FMN1: variants seen among roughly 807,000 people sequenced by gnomAD.
FMN1 encodes the protein formin-1.
In FMN1, 110 loss-of-function variants were observed where a neutral mutation model predicts 132.4. That is an observed-to-expected ratio of 0.83 (90% CI 0.71 to 0.97). The LOEUF is 0.97. Among genes scored for constraint, FMN1 ranks in the 50% least tolerant of loss-of-function variants. The pLI, the probability that FMN1 is intolerant of heterozygous loss-of-function variation, is 0.00. For missense variants in FMN1, 1,792 were observed against 1,705.3 expected (o/e 1.05, Z -0.90); for synonymous variants, 722 against 651.7 (o/e 1.11, Z -1.64).
At chr15:33,023,063 A>G (rs1271390827) in intron 6 of FMN1, among the ~76,000 whole-genome samples, 1 of 58,334 alleles carries the variant, frequency 1.7e-5, no homozygotes, top group East Asian at 2.3e-4. Context: ...CCCACCCAAA[A>G]AAAAAAAAAA....
chr15:33,126,353 C>A (rs989645394), intron 4 of FMN1, among the ~76,000 whole-genome samples: 1 of 152,134 alleles, frequency 6.6e-6, no homozygotes, highest in South Asian at 2.1e-4. Flanking sequence ...TCACTGTGGG[C>A]AGGCAGTCCA....
At chr15:33,147,732 T>C (rs1443674491) in intron 4 of FMN1, among the ~76,000 whole-genome samples, 1 of 152,224 alleles carries the variant, frequency 6.6e-6, no homozygotes, top group Non-Finnish European at 1.5e-5. Flanking sequence ...CTCATTTATT[T>C]TATACAGAAA....
intron 10 of FMN1, among the ~76,000 whole-genome samples, chr15:32,916,026 G>T (rs1325503358): frequency 6.6e-6 from 1 of 152,196 alleles, no homozygotes; most frequent in Non-Finnish European, 1.5e-5. Flanking sequence ...TCTGGTGCCT[G>T]CTCTGTACCA....
At chr15:33,149,320 T>C (rs1262802561) in intron 4 of FMN1, among the ~76,000 whole-genome samples, 3 of 152,180 alleles carry the variant, frequency 2.0e-5, no homozygotes, top group Non-Finnish European at 4.4e-5. Flanking sequence ...GCATTTTATG[T>C]ATTATTTTAT....
chr15:32,959,103 T>C (rs1031927100), intron 9 of FMN1, among the ~76,000 whole-genome samples: 1 of 150,952 alleles, frequency 6.6e-6, no homozygotes, highest in African/African-American at 2.4e-5. Context: ...TGAAGCCCTA[T>C]AGCCAAGATT....
At chr15:32,996,173 G>A (rs144932834) in intron 7 of FMN1, among the ~76,000 whole-genome samples, 19 of 152,250 alleles carry the variant, frequency 1.2e-4, no homozygotes, top group Admixed American at 3.3e-4. Flanking sequence ...CAGTCAAAAT[G>A]ACCAAGTTAC....
At chr15:32,959,142 T>G (rs760036527) in intron 9 of FMN1, among the ~76,000 whole-genome samples, 1 of 151,880 alleles carries the variant, frequency 6.6e-6, no homozygotes, top group African/African-American at 2.4e-5. Context: ...AATCCAGTAA[T>G]GTACCCAGCA....
At chr15:33,088,061 A>G (rs1422770841) in intron 5 of FMN1, among the ~76,000 whole-genome samples, 1 of 152,122 alleles carries the variant, frequency 6.6e-6, no homozygotes, top group African/African-American at 2.4e-5. Flanking sequence ...ACTTGAGGGA[A>G]AGGGTTGGGG....
intron 9 of FMN1, among the ~76,000 whole-genome samples, chr15:32,930,262 C>G (rs542046362): frequency 9.2e-5 from 14 of 152,094 alleles, no homozygotes; most frequent in Non-Finnish European, 1.9e-4. Context: ...GCTGGGATTA[C>G]AGGCGTGAGC....
chr15:33,009,373 T>C (rs1010808499), intron 6 of FMN1, among the ~76,000 whole-genome samples: 8 of 152,180 alleles, frequency 5.3e-5, no homozygotes, highest in African/African-American at 1.9e-4. Flanking sequence ...ATCTCATCCT[T>C]GGTTTTTCAC....
intron 9 of FMN1, among the ~76,000 whole-genome samples, chr15:32,932,506 G>C (rs2061147200): frequency 1.3e-5 from 2 of 152,172 alleles, no homozygotes; most frequent in Admixed American, 6.5e-5. Context: ...GAGTAATGCT[G>C]TTCTCATAAA....
intron 4 of FMN1, among the ~76,000 whole-genome samples, chr15:33,152,445 C>T (rs1964475162): frequency 1.3e-5 from 2 of 152,074 alleles, no homozygotes; most frequent in Non-Finnish European, 2.9e-5. Context: ...AAAAAGAAAA[C>T]TTTGAACCAA....
At chr15:32,993,178 C>T (rs2033547366) in intron 7 of FMN1, among the ~76,000 whole-genome samples, 1 of 152,160 alleles carries the variant, frequency 6.6e-6, no homozygotes, top group Admixed American at 6.5e-5. Context: ...CATTCCAATA[C>T]ACATTCACTT....
intron 6 of FMN1, among the ~76,000 whole-genome samples, chr15:33,015,629 A>AT (rs1419579387): frequency 1.3e-5 from 2 of 152,078 alleles, no homozygotes; most frequent in African/African-American, 4.8e-5. Context: ...GCGGATCCTG[A>AT]TATGTCCGGC....
intron 4 of FMN1, among the ~76,000 whole-genome samples, chr15:33,093,641 T>A (rs546459405): frequency 6.6e-6 from 1 of 152,318 alleles, no homozygotes; most frequent in East Asian, 1.9e-4. Flanking sequence ...GAAGGTGTGG[T>A]ATCTATCCAC....
chr15:32,790,105 A>G (rs568544254), intron 19 of FMN1, among the ~76,000 whole-genome samples: 1 of 152,382 alleles, frequency 6.6e-6, no homozygotes, highest in East Asian at 1.9e-4. Flanking sequence ...GCAAATACAC[A>G]AGAGACTGGA....
intron 19 of FMN1, among the ~76,000 whole-genome samples, chr15:32,786,902 T>C (rs1328215289): frequency 6.6e-6 from 1 of 152,180 alleles, no homozygotes; most frequent in Admixed American, 6.5e-5. Context: ...CTCGAGTCTA[T>C]ACAAGGTACA....
At chr15:32,787,743 G>C (rs2056927938) in intron 19 of FMN1, among the ~76,000 whole-genome samples, 1 of 152,052 alleles carries the variant, frequency 6.6e-6, no homozygotes, top group African/African-American at 2.4e-5. Context: ...GTCCTAACTA[G>C]TCAGGAGGCT....
At chr15:33,041,684 C>T (rs1047058608) in intron 6 of FMN1, among the ~76,000 whole-genome samples, 2 of 151,344 alleles carry the variant, frequency 1.3e-5, no homozygotes, top group Non-Finnish European at 2.9e-5. Context: ...CCCATTAAAA[C>T]GGCTATTAAA....
Sources: gnomAD v4.1 joint callset for allele counts (sites outside exome capture counted in the v4.1 genomes callset) on GRCh38, gnomAD v4.1.1 for gene constraint, MANE v1.5 for transcripts, NCBI Gene and HGNC (gene_info 2026-07-23, HGNC 2026-07-21) for gene names.